The following GRM1 variants were observed in gnomAD, a reference collection of about 807,000 sequenced individuals.
The protein encoded by GRM1 is glutamate metabotropic receptor 1, also known as metabotropic glutamate receptor 1.
Under a neutral mutation model 90.9 loss-of-function variants are expected in GRM1, and 33 were observed. That is an observed-to-expected ratio of 0.36 (90% CI 0.28 to 0.49). The LOEUF is 0.49. Among genes scored for constraint, GRM1 ranks in the 20% least tolerant of loss-of-function variants. The pLI is 0.99. For synonymous variants in GRM1, 700 were observed against 613.2 expected (o/e 1.14, Z -2.09); for missense variants, 1,190 against 1,534.3 (o/e 0.78, Z 3.75).
chr6:146,412,232 G>A (rs1777596157), intron 7 of GRM1, among the ~76,000 whole-genome samples: 1 of 152,174 alleles, frequency 6.6e-6, no homozygotes, highest in Non-Finnish European at 1.5e-5. Context: ...TTCATGAACT[G>A]TTTAATATAA....
At chr6:146,246,046 A>C (rs1390371808) in intron 2 of GRM1, among the ~76,000 whole-genome samples, 1 of 152,214 alleles carries the variant, frequency 6.6e-6, no homozygotes, top group African/African-American at 2.4e-5. Flanking sequence ...GATGCTTATA[A>C]ATTTTAAATT....
intron 2 of GRM1, among the ~76,000 whole-genome samples, chr6:146,161,344 G>A (rs140126625): frequency 6.6e-6 from 1 of 152,254 alleles, no homozygotes; most frequent in African/African-American, 2.4e-5. Flanking sequence ...GTGTGTAATT[G>A]GAGTGTGAAA....
chr6:146,340,220 G>A (rs765743307), intron 3 of GRM1, among the ~76,000 whole-genome samples: 1 of 152,140 alleles, frequency 6.6e-6, no homozygotes, highest in Non-Finnish European at 1.5e-5. Flanking sequence ...AATTAGTGTG[G>A]CAGTATCATG....
chr6:146,354,931 T>G (rs2115047875), intron 4 of GRM1, among the ~76,000 whole-genome samples: 1 of 151,988 alleles, frequency 6.6e-6, no homozygotes, highest in South Asian at 2.1e-4. Flanking sequence ...CTTTTGGGAC[T>G]TTTTAAAAAA....
At position 146,399,751 on chromosome 6, in the gene GRM1, T is replaced by TTCTC. The variant is rs57974513; in HGVS notation, c.2660+72_2660+75dup. The TTCTC allele has an allele frequency of 2.5e-3, 2,642 of 1,063,328 alleles. 3 individuals carry two copies. Among genetic ancestry groups the TTCTC allele is most frequent in the South Asian group, 7.8e-3 (573 of 73,360 alleles). The allele number at this position is 1,063,328 out of a possible 1,614,324, so 65.9% of individuals were successfully genotyped here. ...CTTTTCTCTTCCTTTCTCTGTCTCTTTCTCTCTCTCTCTCTCTCTCTCTTT... is the reference window on the plus strand; with the variant it reads ...CTTTTCTCTTCCTTTCTCTGTCTCTTTCTCTCTCTCTCTCTCTCTCTCTCTCTTT... On this transcript the variant is annotated intron_variant, in intron 7 of 7. Transcript: ENST00000282753. This position sits in a 1 kb window ranked among gnomAD's most constrained non-coding sequence, Gnocchi z 5.4.
At chr6:146,150,936 G>GCA (rs764811450) in intron 1 of GRM1, among the ~76,000 whole-genome samples, 125 of 44,676 alleles carry the variant, frequency 2.8e-3, no homozygotes, top group Non-Finnish European at 4.0e-3. Context: ...ACGCGTGTGC[G>GCA]CGCACACACA....
At chr6:146,122,438 GA>G (rs1441329435) in intron 1 of GRM1, among the ~76,000 whole-genome samples, 1 of 152,048 alleles carries the variant, frequency 6.6e-6, no homozygotes, top group African/African-American at 2.4e-5. Context: ...CTCACTCTCT[GA>G]AGATGTTAGT....
chr6:146,326,324 C>T (rs547044401), intron 3 of GRM1, among the ~76,000 whole-genome samples: 6 of 152,208 alleles, frequency 3.9e-5, no homozygotes, highest in Admixed American at 6.5e-5. Flanking sequence ...TTATCCTTGG[C>T]GAACTGACAC....
intron 2 of GRM1, among the ~76,000 whole-genome samples, chr6:146,178,590 A>G (rs981441998): frequency 1.3e-5 from 2 of 152,218 alleles, no homozygotes; most frequent in African/African-American, 4.8e-5. Flanking sequence ...ACTATCAGAA[A>G]GCAAAGGTGT....
At chr6:146,285,880 C>G (rs768255175) in intron 2 of GRM1, among the ~76,000 whole-genome samples, 41 of 152,102 alleles carry the variant, frequency 2.7e-4, no homozygotes, top group Non-Finnish European at 5.4e-4. Context: ...CTTAATAGCT[C>G]TTAGTACGCC....
Position 146,347,774 on chromosome 6 carries a change from T to G in GRM1, c.1187-4476T>G, listed in dbSNP as rs377706317. Among the ~76,000 whole-genome samples, 33 of 152,324 alleles carry G rather than the reference T, an allele frequency of 2.2e-4. No individual in the cohort carries two copies. In the South Asian group the frequency reaches 6.2e-3, roughly 29 times the overall value. ...TTTGACCTATAAAGATTTCTGCACT[T>G]TACTATATGTGATTTATACTTCAGT... On this transcript the variant is annotated intron_variant, in intron 3 of 7. Coordinates refer to ENST00000282753, the MANE Select transcript of GRM1 (RefSeq NM_001278064.2).
intron 1 of GRM1, among the ~76,000 whole-genome samples, chr6:146,042,994 T>C (rs2128842334): frequency 6.6e-6 from 1 of 152,096 alleles, no homozygotes; most frequent in South Asian, 2.1e-4. Context: ...CCAACCTCTC[T>C]GTATGAAAAT....
intron 1 of GRM1, among the ~76,000 whole-genome samples, chr6:146,043,058 A>G (rs9373483): frequency 0.4 from 60,389 of 151,662 alleles, 12,325 homozygotes; most frequent in Middle Eastern, 0.51. Context: ...AGCACTTTGG[A>G]AAGCTAAGGT....
Position 146,434,628 on chromosome 6 carries a change from G to T in GRM1, c.3417G>T (p.Pro1139=), listed in dbSNP as rs777406167. Residue 1139 remains proline, a synonymous_variant, in exon 8 of 8, where the codon CCG becomes CCT. Transcript: ENST00000282753. The part of the protein sequence containing the change: ...EDLQAASKLT[P]DDSPALTPPS... The stretch of plus-strand genomic sequence containing the variant: ...TGCAGGCGGCCAGCAAACTGACCCC[G>T]GATGATTCGCCTGCGCTGACGCCTC... 5 of 1,612,138 alleles carry T rather than the reference G, an allele frequency of 3.1e-6. No homozygotes were observed. Among genetic ancestry groups the T allele is most frequent in the Non-Finnish European group, 4.2e-6 (5 of 1,180,018 alleles).
intron 1 of GRM1, among the ~76,000 whole-genome samples, chr6:146,055,634 G>A (rs1468223803): frequency 6.6e-6 from 1 of 152,100 alleles, no homozygotes; most frequent in Non-Finnish European, 1.5e-5. Flanking sequence ...TGAAGGGCTG[G>A]GGAGGTGTGC....
At chr6:146,255,968 A>G (rs1781463045) in intron 2 of GRM1, among the ~76,000 whole-genome samples, 1 of 152,146 alleles carries the variant, frequency 6.6e-6, no homozygotes, top group African/African-American at 2.4e-5. Flanking sequence ...TTGTTGTGAC[A>G]CTATTCTGGT....
intron 2 of GRM1, among the ~76,000 whole-genome samples, chr6:146,263,019 G>A (rs1259871030): frequency 6.6e-6 from 1 of 151,860 alleles, no homozygotes; most frequent in African/African-American, 2.4e-5. Context: ...CACACTTACT[G>A]CTGCTGAATG....
intron 1 of GRM1, among the ~76,000 whole-genome samples, chr6:146,097,925 C>A (rs1444634529): frequency 1.3e-5 from 2 of 152,212 alleles, no homozygotes; most frequent in African/African-American, 4.8e-5. Context: ...TCATATTGAT[C>A]TACTGAACTT....
chr6:146,062,439 C>G (rs937577890), intron 1 of GRM1, among the ~76,000 whole-genome samples: 2 of 150,854 alleles, frequency 1.3e-5, no homozygotes, highest in Non-Finnish European at 2.9e-5. Flanking sequence ...ACATGTATAC[C>G]TATGTAACAA....
Sources: gnomAD v4.1 joint callset for allele counts (sites outside exome capture counted in the v4.1 genomes callset) on GRCh38, gnomAD v4.1.1 for gene constraint, Gnocchi (gnomAD v3.1) non-coding constraint, MANE v1.5 for transcripts, NCBI Gene and HGNC (gene_info 2026-07-23, HGNC 2026-07-21) for gene names.